The following LARS2 variants were observed in gnomAD, a reference collection of about 807,000 sequenced individuals.
The protein encoded by LARS2 is leucine--tRNA ligase, mitochondrial.
LARS2 carries 81 observed loss-of-function variants against 116.6 expected under a neutral mutation model. The observed-to-expected ratio is 0.69, with a 90% CI of 0.58 to 0.84. LARS2 has a LOEUF of 0.84. Among genes scored for constraint, LARS2 ranks in the 40% least tolerant of loss-of-function variants. LARS2 has a pLI of 0.00. For missense variants in LARS2, 968 were observed against 1,114.5 expected (o/e 0.87, Z 1.87); for synonymous variants, 396 against 407.2 (o/e 0.97, Z 0.33).
chr3:45,423,069 A>G (rs967530902), intron 6 of LARS2, among the ~76,000 whole-genome samples: 31 of 152,348 alleles, frequency 2.0e-4, no homozygotes, highest in African/African-American at 6.5e-4. Flanking sequence ...TCTTTTATCT[A>G]TAGAGACTTG....
At chr3:45,468,166 A>G (rs1369703963) in intron 8 of LARS2, among the ~76,000 whole-genome samples, 1 of 152,152 alleles carries the variant, frequency 6.6e-6, no homozygotes, top group Non-Finnish European at 1.5e-5. Context: ...GGGTTAGATC[A>G]TCATTTATTT....
Position 45,469,818 on chromosome 3 carries a change from C to A in LARS2, c.751-4425C>A, listed in dbSNP as rs558939021. Among the ~76,000 whole-genome samples, 14 of 147,744 alleles carry A rather than the reference C, an allele frequency of 9.5e-5. No individual in the cohort carries two copies. In the South Asian group the frequency reaches 3.4e-3, roughly 36 times the overall value. ...TAGAACTTAATTATATATTGTGCCT[C>A]CCCCCCCACCAAAAAAAGAAATTTT... On this transcript the variant is annotated intron_variant, in intron 8 of 21. Transcript: ENST00000645846.
intron 21 of LARS2, among the ~76,000 whole-genome samples, chr3:45,543,820 C>T (rs1225026734): frequency 3.3e-5 from 5 of 152,174 alleles, no homozygotes; most frequent in Non-Finnish European, 7.4e-5. Context: ...ATAGCTCATG[C>T]ATCCCTGAGA....
At chr3:45,531,322 A>C (rs1314346875) in intron 20 of LARS2, among the ~76,000 whole-genome samples, 1 of 152,184 alleles carries the variant, frequency 6.6e-6, no homozygotes, top group African/African-American at 2.4e-5. Context: ...ATATGAGGAA[A>C]ATAACTCATT....
At chr3:45,527,148 T>A (rs1700541912) in intron 20 of LARS2, among the ~76,000 whole-genome samples, 1 of 152,148 alleles carries the variant, frequency 6.6e-6, no homozygotes, top group South Asian at 2.1e-4. Context: ...CACCTTCAGA[T>A]AACAATTTGG....
intron 8 of LARS2, among the ~76,000 whole-genome samples, chr3:45,461,679 C>G (rs561624349): frequency 1.1e-4 from 16 of 152,198 alleles, no homozygotes; most frequent in South Asian, 1.0e-3. Flanking sequence ...TCCAGGCATG[C>G]AAAATTTAGA....
At chr3:45,529,585 T>A (rs2125763004) in intron 20 of LARS2, among the ~76,000 whole-genome samples, 1 of 152,156 alleles carries the variant, frequency 6.6e-6, no homozygotes, top group Non-Finnish European at 1.5e-5. Context: ...AGCTAATGTT[T>A]ACGTGCAAAA....
At chr3:45,500,679 A>G (rs1700103077) in intron 15 of LARS2, 100 bp downstream of exon 15, 4 of 871,006 alleles carry the variant, frequency 4.6e-6, no homozygotes, top group Non-Finnish European at 6.9e-6. Context: ...ATGTAGTAGA[A>G]TACTAGTTTT....
intron 20 of LARS2, among the ~76,000 whole-genome samples, chr3:45,540,466 C>T (rs1451574458): frequency 6.6e-6 from 1 of 152,112 alleles, no homozygotes; most frequent in Non-Finnish European, 1.5e-5. Flanking sequence ...CAGCCCATAC[C>T]CTGAGCCATA....
intron 6 of LARS2, among the ~76,000 whole-genome samples, chr3:45,445,594 A>G (rs1575259903): frequency 1.3e-5 from 2 of 152,230 alleles, no homozygotes; most frequent in Admixed American, 1.3e-4. Context: ...GACAGCTACA[A>G]TGTGGGCAAA....
At position 45,394,639 on chromosome 3, in the gene LARS2, G is replaced by T; in HGVS notation, c.186G>T (p.Trp62Cys). 6.2e-7 allele frequency: 1 copy of T among 1,614,194 alleles called. No homozygotes were observed. Among genetic ancestry groups the T allele is most frequent in the Non-Finnish European group, 8.5e-7 (1 of 1,180,024 alleles). ...AGACAAGAAAGGATGTTGAGAAATGGTGGCATCAACGAATAAAAGAACAGG... is the reference window on the plus strand; with the variant it reads ...AGACAAGAAAGGATGTTGAGAAATGTTGGCATCAACGAATAAAAGAACAGG... ...TLQTRKDVEK[W>C]WHQRIKEQAS... The change falls in exon 3 of 22, where the codon TGG becomes TGT. Residue 62 changes from tryptophan to cysteine, a missense_variant. Transcript: ENST00000645846.
intron 3 of LARS2, among the ~76,000 whole-genome samples, chr3:45,397,690 A>G (rs1333079359): frequency 6.6e-6 from 1 of 152,192 alleles, no homozygotes; most frequent in Non-Finnish European, 1.5e-5. Flanking sequence ...CCTAGCTCCC[A>G]AAGAACTCTT....
intron 6 of LARS2, among the ~76,000 whole-genome samples, chr3:45,426,331 A>G (rs1698594197): frequency 1.3e-5 from 2 of 152,250 alleles, no homozygotes; most frequent in African/African-American, 4.8e-5. Flanking sequence ...AAGAGCTAGC[A>G]GTGGTTGCCT....
At chr3:45,390,560 C>T (rs1332634205) in intron 1 of LARS2, among the ~76,000 whole-genome samples, 1 of 151,948 alleles carries the variant, frequency 6.6e-6, no homozygotes, top group African/African-American at 2.4e-5. Context: ...GATCTGCCCG[C>T]CTCAGCCTCC....
At chr3:45,415,876 T>TAGAG (rs71095033) in intron 4 of LARS2, among the ~76,000 whole-genome samples, 37 of 69,068 alleles carry the variant, frequency 5.4e-4, no homozygotes, top group African/African-American at 9.5e-4. Context: ...TATATATATA[T>TAGAG]AGAGAGAGAG....
chr3:45,445,280 C>A (rs1442047589), intron 6 of LARS2, among the ~76,000 whole-genome samples: 1 of 152,162 alleles, frequency 6.6e-6, no homozygotes, highest in Non-Finnish European at 1.5e-5. Flanking sequence ...AAACATAGCT[C>A]CTGCCCTGGG....
intron 6 of LARS2, among the ~76,000 whole-genome samples, chr3:45,430,264 A>G (rs149942090): frequency 0.2 from 23,036 of 117,372 alleles, 1,928 homozygotes; most frequent in Middle Eastern, 0.4. Flanking sequence ...GAGCCACCGC[A>G]CCCGGCCATT....
chr3:45,491,893 G>C lies in LARS2; in HGVS notation c.1523+93G>C, dbSNP rs114869671. The C allele has an allele frequency of 2.9e-3, 3,591 of 1,243,944 alleles. 68 individuals are homozygous for C. The African/African-American group carries it at 0.047, about 16-fold the overall frequency. The allele number at this position is 1,243,944 out of a possible 1,614,324, so 77.1% of individuals were successfully genotyped here. ...CCTCCTCCCTCCTGGTGCTAACTCTGCTCCCTTTTTCCCTGACTTCCATGA... is the reference window on the plus strand; with the variant it reads ...CCTCCTCCCTCCTGGTGCTAACTCTCCTCCCTTTTTCCCTGACTTCCATGA... On this transcript the variant is annotated intron_variant, in intron 13 of 21. Coordinates refer to ENST00000645846, the MANE Select transcript of LARS2 (RefSeq NM_015340.4).
chr3:45,513,665 C>T (rs1233441749), intron 16 of LARS2, among the ~76,000 whole-genome samples: 2 of 152,142 alleles, frequency 1.3e-5, no homozygotes, highest in African/African-American at 4.8e-5. Context: ...GGGCAGCACT[C>T]GGTTTACTCG....
Sources: gnomAD v4.1 joint callset for allele counts (sites outside exome capture counted in the v4.1 genomes callset) on GRCh38, gnomAD v4.1.1 for gene constraint, MANE v1.5 for transcripts, NCBI Gene and HGNC (gene_info 2026-07-23, HGNC 2026-07-21) for gene names.